Variants in STIM2 observed in about 807,000 individuals in gnomAD.
The protein encoded by STIM2 is stromal interaction molecule 2.
A neutral mutation model predicts 85.8 loss-of-function variants in STIM2; 31 were observed. The ratio of observed to expected loss-of-function variants is 0.36; its 90% CI spans 0.27 to 0.49. The LOEUF is 0.49. Among genes scored for constraint, STIM2 ranks in the 20% least tolerant of loss-of-function variants. The probability of loss-of-function intolerance (pLI) is 0.98; values close to 1 mark genes in which losing one functional copy is unlikely to be tolerated. For missense variants in STIM2, 841 were observed against 927.6 expected (o/e 0.91, Z 1.21); for synonymous variants, 356 against 331.1 (o/e 1.08, Z -0.82).
intron 5 of STIM2, among the ~76,000 whole-genome samples, chr4:27,000,946 A>G (rs1728130373): frequency 1.3e-5 from 2 of 152,184 alleles, no homozygotes; most frequent in Non-Finnish European, 2.9e-5. Context: ...TGAACATCTC[A>G]GTGTGAGGCA....
intron 1 of STIM2, among the ~76,000 whole-genome samples, chr4:26,897,968 T>G (rs1168236127): frequency 6.6e-6 from 1 of 152,184 alleles, no homozygotes; most frequent in African/African-American, 2.4e-5. Context: ...GGTTTGCCTG[T>G]GTTGCCCAAG....
chr4:26,923,389 G>C (rs1030345004), intron 2 of STIM2, among the ~76,000 whole-genome samples: 1 of 151,966 alleles, frequency 6.6e-6, no homozygotes, highest in African/African-American at 2.4e-5. Context: ...TGATTTTGAC[G>C]AGCTGAGAGA....
chr4:27,024,616 T>C lies in STIM2; in HGVS notation c.*1620T>C, dbSNP rs527616955. ...TATTGTTAAAAACTTGAATGGTATT[T>C]ATATTGGCTGATATTTATATACTTA... On this transcript the variant is annotated 3_prime_UTR_variant, in exon 12 of 12. Transcript: ENST00000467087. 1 of 152,344 alleles carries C rather than the reference T, an allele frequency of 6.6e-6. No homozygotes were observed. Among genetic ancestry groups the C allele is most frequent in the South Asian group, 2.1e-4 (1 of 4,830 alleles). The allele number at this position is 152,344 out of a possible 1,614,324, so 9.4% of individuals were successfully genotyped here.
chr4:27,013,994 T>C (rs1728647571), intron 10 of STIM2, among the ~76,000 whole-genome samples: 1 of 152,006 alleles, frequency 6.6e-6, no homozygotes, highest in East Asian at 1.9e-4. Flanking sequence ...GTGTTTTATC[T>C]GAGTTTTAAA....
intron 11 of STIM2, 87 bp from the exon 12 acceptor site, chr4:27,022,432 A>G (rs1728944232): frequency 9.1e-7 from 1 of 1,101,254 alleles, no homozygotes; most frequent in African/African-American, 1.6e-5. Context: ...TCAAAAAGCA[A>G]TGAAAGTTGT....
intron 2 of STIM2, among the ~76,000 whole-genome samples, chr4:26,952,106 T>C (rs1434190447): frequency 1.3e-5 from 2 of 152,008 alleles, no homozygotes; most frequent in Non-Finnish European, 2.9e-5. Context: ...TCAAATTATC[T>C]CCCACCGGGT....
chr4:26,914,484 C>T (rs1408634554), intron 1 of STIM2, among the ~76,000 whole-genome samples: 1 of 152,150 alleles, frequency 6.6e-6, no homozygotes, highest in African/African-American at 2.4e-5. Context: ...TTAGTTTTGT[C>T]ACCATTGTTT....
At chr4:26,963,327 T>C (rs545457602) in intron 3 of STIM2, among the ~76,000 whole-genome samples, 2 of 152,176 alleles carry the variant, frequency 1.3e-5, no homozygotes, top group Non-Finnish European at 2.9e-5. Flanking sequence ...AAGGGATTTC[T>C]AAATGTTGAT....
intron 7 of STIM2, among the ~76,000 whole-genome samples, chr4:27,006,920 A>C (rs780040649): frequency 2.0e-5 from 3 of 152,214 alleles, no homozygotes; most frequent in African/African-American, 4.8e-5. Flanking sequence ...TAAAACAGAC[A>C]ATAATAGGCA....
At chr4:26,891,306 C>T (rs1257571914) in intron 1 of STIM2, among the ~76,000 whole-genome samples, 1 of 152,048 alleles carries the variant, frequency 6.6e-6, no homozygotes, top group Non-Finnish European at 1.5e-5. Context: ...ACTGAGGTTT[C>T]CTGAAAAAGA....
In STIM2 at chr4:26,861,373, A is replaced by G; in HGVS notation, c.151+4A>G. On this transcript the variant is annotated splice_donor_region_variant and intron_variant, in intron 1 of 11. Transcript: ENST00000467087. ...GATAGCCCGGCGCTCATGACAGGTGAGGGGCCGGGGGGCGGCGGGCGGGGC... is the reference window on the plus strand; with the variant it reads ...GATAGCCCGGCGCTCATGACAGGTGGGGGGCCGGGGGGCGGCGGGCGGGGC... The G allele has an allele frequency of 7.7e-7, 1 of 1,297,372 alleles. No individual in the cohort carries two copies. The highest frequency in any genetic ancestry group is 9.7e-7 in the Non-Finnish European group (1 of 1,027,490). The allele number at this position is 1,297,372 out of a possible 1,614,324, so 80.4% of individuals were successfully genotyped here. A position where few individuals can be genotyped will look rare whatever the true frequency, so the allele number is the denominator to read the frequency against.
intron 1 of STIM2, among the ~76,000 whole-genome samples, chr4:26,877,203 T>C (rs1036802574): frequency 6.6e-6 from 1 of 152,160 alleles, no homozygotes; most frequent in Non-Finnish European, 1.5e-5. Context: ...CCTTCCCTTT[T>C]TTTTCTGTTT....
chr4:26,911,883 G>C (rs1169535971), intron 1 of STIM2, among the ~76,000 whole-genome samples: 2 of 152,118 alleles, frequency 1.3e-5, no homozygotes, highest in African/African-American at 4.8e-5. Flanking sequence ...CCTGTTATGT[G>C]CTAGGTGTTT....
At chr4:27,004,420 G>A (rs1196401352) in intron 7 of STIM2, among the ~76,000 whole-genome samples, 1 of 152,092 alleles carries the variant, frequency 6.6e-6, no homozygotes, top group African/African-American at 2.4e-5. Context: ...TATGCCCTTT[G>A]CACTCCTGTA....
intron 4 of STIM2, among the ~76,000 whole-genome samples, chr4:26,996,879 A>C (rs537813892): frequency 6.6e-6 from 1 of 152,152 alleles, no homozygotes; most frequent in Non-Finnish European, 1.5e-5. Context: ...AAAATAGGCT[A>C]ATCTGAGTTT....
intron 2 of STIM2, among the ~76,000 whole-genome samples, chr4:26,929,755 G>A (rs1429733139): frequency 6.6e-6 from 1 of 151,860 alleles, no homozygotes; most frequent in African/African-American, 2.4e-5. Context: ...TCAAATAGTT[G>A]CTTGGAATAG....
intron 3 of STIM2, among the ~76,000 whole-genome samples, chr4:26,975,276 T>C (rs1727139243): frequency 6.6e-6 from 1 of 152,220 alleles, no homozygotes; most frequent in African/African-American, 2.4e-5. Flanking sequence ...CCTGCTTTGT[T>C]CCATTGCTGG....
intron 1 of STIM2, among the ~76,000 whole-genome samples, chr4:26,903,710 C>T (rs1481742009): frequency 6.6e-6 from 1 of 152,078 alleles, no homozygotes; most frequent in African/African-American, 2.4e-5. Flanking sequence ...AAGACATTTT[C>T]AGATGTTAGG....
chr4:26,965,982 T>C (rs766002567), intron 3 of STIM2, among the ~76,000 whole-genome samples: 52 of 152,156 alleles, frequency 3.4e-4, no homozygotes, highest in Non-Finnish European at 3.5e-4. Context: ...ATTCAACATG[T>C]GAAGCTTTTC....
Sources: allele counts gnomAD v4.1 joint callset (sites outside exome capture counted in the v4.1 genomes callset), GRCh38; gene constraint gnomAD v4.1.1; transcripts MANE v1.5; gene names NCBI Gene and HGNC (gene_info 2026-07-23, HGNC 2026-07-21).